The following NRCAM variants were observed in gnomAD, a reference collection of about 807,000 sequenced individuals.
NRCAM encodes the protein NgCAM-related cell adhesion molecule.
NRCAM carries 83 observed loss-of-function variants against 156.5 expected under a neutral mutation model. That is an observed-to-expected ratio of 0.53 (90% CI 0.44 to 0.64). The LOEUF (loss-of-function observed/expected upper bound fraction) is 0.64. NRCAM is among the 30% of genes least tolerant of loss of function. The pLI is 0.00. For missense variants in NRCAM, 1,417 were observed against 1,597.3 expected (o/e 0.89, Z 1.92); for synonymous variants, 538 against 563.9 (o/e 0.95, Z 0.65).
intron 3 of NRCAM, among the ~76,000 whole-genome samples, chr7:108,241,838 T>C (rs1305400142): frequency 6.6e-6 from 1 of 152,150 alleles, no homozygotes; most frequent in Non-Finnish European, 1.5e-5. Context: ...TCAAATTAGT[T>C]GTACGATCAT....
chr7:108,208,193 C>A (rs2082202664), intron 12 of NRCAM, among the ~76,000 whole-genome samples: 1 of 151,394 alleles, frequency 6.6e-6, no homozygotes, highest in Non-Finnish European at 1.5e-5. Flanking sequence ...GTAATCCCAC[C>A]TACTTGGGAG....
intron 3 of NRCAM, among the ~76,000 whole-genome samples, chr7:108,248,905 G>T (rs1327043375): frequency 6.6e-6 from 1 of 152,110 alleles, no homozygotes; most frequent in Non-Finnish European, 1.5e-5. Flanking sequence ...TTTCAGAAGT[G>T]ACATCCTAGA....
At chr7:108,332,863 G>T (rs1303271390) in intron 2 of NRCAM, among the ~76,000 whole-genome samples, 1 of 151,964 alleles carries the variant, frequency 6.6e-6, no homozygotes, top group Non-Finnish European at 1.5e-5. Flanking sequence ...ACAATTCAAA[G>T]AACAGAATAG....
chr7:108,337,717 G>A (rs11768027), intron 2 of NRCAM, among the ~76,000 whole-genome samples: 4,493 of 152,164 alleles, frequency 0.03, 94 homozygotes, highest in Non-Finnish European at 0.044. Flanking sequence ...CAGAGAACAC[G>A]AGGCTTGCCA....
chr7:108,163,442 A>G (rs1026310288), intron 30 of NRCAM, among the ~76,000 whole-genome samples: 1 of 152,198 alleles, frequency 6.6e-6, no homozygotes, highest in Non-Finnish European at 1.5e-5. Context: ...TTTGTTCTCT[A>G]CTATTTATGA....
intron 3 of NRCAM, among the ~76,000 whole-genome samples, chr7:108,272,757 T>C (rs1200625874): frequency 6.6e-6 from 1 of 151,970 alleles, no homozygotes; most frequent in Non-Finnish European, 1.5e-5. Flanking sequence ...TATTTTTTTC[T>C]TTATTATTAT....
intron 11 of NRCAM, among the ~76,000 whole-genome samples, chr7:108,219,402 A>G (rs2153661635): frequency 6.6e-6 from 1 of 152,268 alleles, no homozygotes; most frequent in Middle Eastern, 3.4e-3. Context: ...AACCAAAAAA[A>G]GAAACTATGG....
intron 3 of NRCAM, among the ~76,000 whole-genome samples, chr7:108,268,070 C>T (rs1368940608): frequency 6.6e-6 from 1 of 151,846 alleles, no homozygotes; most frequent in African/African-American, 2.4e-5. Context: ...CATTTCTTCA[C>T]TTTTAAAGAG....
chr7:108,256,414 G>A (rs1562977216), intron 3 of NRCAM, among the ~76,000 whole-genome samples: 2 of 149,408 alleles, frequency 1.3e-5, no homozygotes, highest in African/African-American at 5.0e-5. Flanking sequence ...TTAAACAGAT[G>A]CTTGAAGGCA....
chr7:108,309,047 C>T (rs778161104), intron 3 of NRCAM, among the ~76,000 whole-genome samples: 9 of 152,148 alleles, frequency 5.9e-5, no homozygotes, highest in Non-Finnish European at 1.3e-4. Flanking sequence ...GCTGAGCAGT[C>T]GCCTGGGTTG....
At chr7:108,339,183 G>A (rs1056546327) in intron 2 of NRCAM, among the ~76,000 whole-genome samples, 5 of 152,120 alleles carry the variant, frequency 3.3e-5, no homozygotes, top group Non-Finnish European at 7.4e-5. Flanking sequence ...CCATACAAAG[G>A]TCTGACCAGA....
intron 1 of NRCAM, among the ~76,000 whole-genome samples, chr7:108,455,146 C>T (rs1218685794): frequency 2.6e-5 from 4 of 152,152 alleles, no homozygotes; most frequent in African/African-American, 9.6e-5. Flanking sequence ...GCTTGCGGCC[C>T]TGAGGACACC....
At position 108,209,598 on chromosome 7, in the gene NRCAM, G is replaced by C. The variant is rs1476173219; in HGVS notation, c.898C>G (p.Pro300Ala). The C allele has an allele frequency of 1.9e-6, 3 of 1,600,058 alleles. No individual in the cohort carries two copies. The African/African-American group carries it at 4.0e-5, about 22-fold the overall frequency. ...TCTTCCTTTGCCCAGTAAATAATTG[G>C]GGTAGGCCTGATAGGATAAATAAAT... The part of the protein sequence containing the change: ...LECIAEGLPT[P>A]IIYWAKEDGM... The change falls in exon 12 of 33, where the codon CCA becomes GCA. Residue 300 changes from proline to alanine, a missense_variant. Around this residue, in one of 2 missense-constraint regions of NRCAM, gnomAD observed 1,238 missense variants for 1,336.4 expected, o/e 0.93. Transcript: ENST00000379028.
intron 1 of NRCAM, among the ~76,000 whole-genome samples, chr7:108,452,332 A>G (rs1851334816): frequency 6.6e-6 from 1 of 152,176 alleles, no homozygotes; most frequent in Admixed American, 6.5e-5. Flanking sequence ...CACAATGTAT[A>G]CATATATCAA....
intron 2 of NRCAM, among the ~76,000 whole-genome samples, chr7:108,386,900 GGACA>G (rs2099742465): frequency 6.6e-6 from 1 of 152,056 alleles, no homozygotes; most frequent in Admixed American, 6.6e-5. Context: ...CAGTAACTCA[GGACA>G]GAATGTTCTC....
At chr7:108,335,405 G>C (rs2099168870) in intron 2 of NRCAM, among the ~76,000 whole-genome samples, 1 of 136,508 alleles carries the variant, frequency 7.3e-6, no homozygotes, top group Non-Finnish European at 1.5e-5. Context: ...CACCTGGCTG[G>C]TTCATGTCCT....
intron 2 of NRCAM, among the ~76,000 whole-genome samples, chr7:108,317,237 C>T (rs542756093): frequency 6.6e-6 from 1 of 152,248 alleles, no homozygotes; most frequent in African/African-American, 2.4e-5. Context: ...GCTAGCTCTG[C>T]CCTATCTAAT....
At chr7:108,374,736 G>A (rs963724993) in intron 2 of NRCAM, among the ~76,000 whole-genome samples, 19 of 152,100 alleles carry the variant, frequency 1.2e-4, no homozygotes, top group South Asian at 4.1e-4. Flanking sequence ...GCAAAGATAT[G>A]CCATGTGATG....
At chr7:108,193,399 G>A (rs1194571269) in intron 17 of NRCAM, among the ~76,000 whole-genome samples, 1 of 152,166 alleles carries the variant, frequency 6.6e-6, no homozygotes, top group Non-Finnish European at 1.5e-5. Context: ...TAGAGAGTGA[G>A]GCCTATAGCC....
Sources: gnomAD v4.1 joint callset for allele counts (sites outside exome capture counted in the v4.1 genomes callset) on GRCh38, gnomAD v4.1.1 for gene constraint, gnomAD v4.1.1 regional missense constraint, MANE v1.5 for transcripts, NCBI Gene and HGNC (gene_info 2026-07-23, HGNC 2026-07-21) for gene names.